Variants in MNAT1 observed in about 807,000 individuals in gnomAD.
MNAT1 encodes the protein MNAT1 component of CDK activating kinase.
A neutral mutation model predicts 42.0 loss-of-function variants in MNAT1; 43 were observed. That is an observed-to-expected ratio of 1.02 (90% CI 0.80 to 1.32). The LOEUF (loss-of-function observed/expected upper bound fraction) is 1.32, where lower values mean the gene tolerates loss of function less well. MNAT1 is among the 40% of genes most tolerant of loss of function. MNAT1 has a pLI of 0.00. For missense variants in MNAT1, 306 were observed against 350.4 expected, an observed-to-expected ratio of 0.87 and a Z score of 1.01; for synonymous variants, 118 against 120.0, an observed-to-expected ratio of 0.98 and a Z score of 0.11.
intron 6 of MNAT1, among the ~76,000 whole-genome samples, chr14:60,867,640 A>G (rs2034234874): frequency 6.6e-6 from 1 of 152,094 alleles, no homozygotes; most frequent in African/African-American, 2.4e-5. Flanking sequence ...TTTTTATGAT[A>G]CATTGTGAGT....
intron 1 of MNAT1, among the ~76,000 whole-genome samples, chr14:60,775,460 G>C (rs2031214583): frequency 6.6e-6 from 1 of 152,172 alleles, no homozygotes; most frequent in African/African-American, 2.4e-5. Flanking sequence ...AAATTGGGTA[G>C]TAGCTGCAAA....
intron 3 of MNAT1, chr14:60,799,212 G>C (rs1049442188): frequency 1.0e-6 from 1 of 983,492 alleles, no homozygotes; most frequent in African/African-American, 1.7e-5. Flanking sequence ...AAGAGCCACT[G>C]CTTTTCCATT....
At position 60,841,628 on chromosome 14, in the gene MNAT1, T is replaced by C. The variant is rs140245067; in HGVS notation, c.687+22781T>C. 1.8e-3 allele frequency among the ~76,000 whole-genome samples: 277 copies of C among 152,144 alleles called. 1 individual carries two copies. The highest frequency in any genetic ancestry group is 6.4e-3 in the African/African-American group (267 of 41,410). On this transcript the variant is annotated intron_variant, in intron 6 of 7. Transcript: ENST00000261245. ...CTGTCCTTTCTGAGTCTGCTTCTATTGACTGATTTTTTTTTCCTGAAGTGC... is the reference window on the plus strand; with the variant it reads ...CTGTCCTTTCTGAGTCTGCTTCTATCGACTGATTTTTTTTTCCTGAAGTGC...
chr14:60,961,154 G>A (rs1236135497), intron 7 of MNAT1, among the ~76,000 whole-genome samples: 2 of 152,056 alleles, frequency 1.3e-5, no homozygotes, highest in Non-Finnish European at 2.9e-5. Flanking sequence ...TAGAGATGGG[G>A]TTTCTCCATG....
chr14:60,744,994 T>C (rs1262149606), intron 1 of MNAT1, among the ~76,000 whole-genome samples: 1 of 152,178 alleles, frequency 6.6e-6, no homozygotes, highest in Non-Finnish European at 1.5e-5. Flanking sequence ...GCAGCCTATT[T>C]CTTGGCCAAG....
chr14:60,967,948 G>T (rs1050978357), intron 7 of MNAT1, among the ~76,000 whole-genome samples: 6 of 152,186 alleles, frequency 3.9e-5, no homozygotes, highest in Admixed American at 3.9e-4. Flanking sequence ...TCTGAAAATC[G>T]TGAAGCAGTG....
At chr14:60,831,225 A>T (rs565016263) in intron 6 of MNAT1, among the ~76,000 whole-genome samples, 1 of 151,648 alleles carries the variant, frequency 6.6e-6, no homozygotes, top group African/African-American at 2.4e-5. Flanking sequence ...CTTGGGATAC[A>T]TGTGGAGGTT....
At chr14:60,955,487 C>G (rs1350994074) in intron 7 of MNAT1, among the ~76,000 whole-genome samples, 1 of 152,026 alleles carries the variant, frequency 6.6e-6, no homozygotes, top group African/African-American at 2.4e-5. Flanking sequence ...CATGGTGAAA[C>G]CCCATCTCTA....
intron 7 of MNAT1, among the ~76,000 whole-genome samples, chr14:60,937,263 G>A (rs2036018227): frequency 6.6e-6 from 1 of 152,086 alleles, no homozygotes; most frequent in African/African-American, 2.4e-5. Flanking sequence ...GGCTTTTGTT[G>A]CCATTGCTTT....
intron 7 of MNAT1, among the ~76,000 whole-genome samples, chr14:60,943,003 A>AGTGT (rs138575597): frequency 3.7e-4 from 29 of 78,476 alleles, no homozygotes; most frequent in Admixed American, 8.3e-4. Flanking sequence ...AACCACATGT[A>AGTGT]GTGTGTGTGT....
At chr14:60,779,872 C>T (rs1158254753) in intron 1 of MNAT1, 1 of 676,256 alleles carries the variant, frequency 1.5e-6, no homozygotes, top group African/African-American at 1.8e-5. Context: ...ATGGTCTTTA[C>T]TTTTGAAACT....
intron 1 of MNAT1, among the ~76,000 whole-genome samples, chr14:60,755,391 C>T (rs1019734448): frequency 6.6e-6 from 1 of 152,142 alleles, no homozygotes; most frequent in Non-Finnish European, 1.5e-5. Context: ...ATCCACCCGC[C>T]CTGGCCTCCC....
In MNAT1 at chr14:60,869,040, A is replaced by ATATATATATATATATATATAT. The variant is rs1465360826; in HGVS notation, c.688-10673_688-10672insATATATATATATATATATATT. ...ATTTTATACATATATATATATATAT[A>ATATATATATATATATATATAT]TTTTTTTTTTTTTTTTTGAGACGGA... On this transcript the variant is annotated intron_variant, in intron 6 of 7. Transcript: ENST00000261245. Among the ~76,000 whole-genome samples, 316 of 113,008 alleles carry ATATATATATATATATATATAT rather than the reference A, an allele frequency of 2.8e-3. 1 individual carries two copies. The highest frequency in any genetic ancestry group is 4.3e-3 in the Non-Finnish European group (233 of 54,700). 74.1% of individuals were successfully genotyped at this position (113,008 alleles called of 152,430 possible). A position where few individuals can be genotyped will look rare whatever the true frequency, so the allele number is the denominator to read the frequency against.
intron 7 of MNAT1, among the ~76,000 whole-genome samples, chr14:60,893,852 T>C (rs1372832546): frequency 1.3e-5 from 2 of 152,156 alleles, no homozygotes; most frequent in Non-Finnish European, 2.9e-5. Flanking sequence ...GAATAAGTCT[T>C]ATGGTGGGAA....
In MNAT1 at chr14:60,811,298, C is replaced by CTTTTTT. The variant is rs569520885; in HGVS notation, c.421-672_421-667dup. Among the ~76,000 whole-genome samples, 16 of 80,228 alleles carry CTTTTTT rather than the reference C, an allele frequency of 2.0e-4. 1 individual carries two copies. Among genetic ancestry groups the CTTTTTT allele is most frequent in the African/African-American group, 4.3e-4 (9 of 20,994 alleles). 52.6% of individuals were successfully genotyped at this position (80,228 alleles called of 152,430 possible). ...TTTAGGGCTCTTATTTCTATTCTTT[C>CTTTTTT]TTTTTTTTTTTTTTTTTTTTTTGAG... On this transcript the variant is annotated intron_variant, in intron 4 of 7. Coordinates refer to ENST00000261245, the MANE Select transcript of MNAT1 (RefSeq NM_002431.4).
chr14:60,791,332 A>G (rs4151199), intron 1 of MNAT1, among the ~76,000 whole-genome samples: 233 of 152,190 alleles, frequency 1.5e-3, no homozygotes, highest in South Asian at 9.5e-3. Flanking sequence ...AAAGTCTACT[A>G]TCTCTTCATA....
intron 1 of MNAT1, among the ~76,000 whole-genome samples, chr14:60,735,324 C>A (rs1008956592): frequency 2.4e-4 from 36 of 152,000 alleles, no homozygotes; most frequent in Admixed American, 2.3e-3. Context: ...TGAAAAAGTG[C>A]GAAAGTGCTA....
At chr14:60,846,375 T>C (rs1244152025) in intron 6 of MNAT1, among the ~76,000 whole-genome samples, 1 of 152,080 alleles carries the variant, frequency 6.6e-6, no homozygotes. Flanking sequence ...GAATCAACCT[T>C]GGTTTTAAGA....
At chr14:60,949,821 G>C (rs1168658590) in intron 7 of MNAT1, among the ~76,000 whole-genome samples, 3 of 152,012 alleles carry the variant, frequency 2.0e-5, no homozygotes. Context: ...TTTCCAAAGT[G>C]ATATTGTGGT....
Sources: gnomAD v4.1 joint callset for allele counts (sites outside exome capture counted in the v4.1 genomes callset) on GRCh38, gnomAD v4.1.1 for gene constraint, MANE v1.5 for transcripts, NCBI Gene and HGNC (gene_info 2026-07-23, HGNC 2026-07-21) for gene names.